Variants in SNAPC4 observed in about 807,000 individuals in gnomAD.
SNAPC4 encodes the protein snRNA-activating protein complex subunit 4.
In SNAPC4, 127 loss-of-function variants were observed where a neutral mutation model predicts 151.3. The observed-to-expected ratio is 0.84, with a 90% CI of 0.73 to 0.97. The LOEUF (loss-of-function observed/expected upper bound fraction) is 0.97, where lower values mean the gene tolerates loss of function less well. Ranked by LOEUF, SNAPC4 falls within the 50% of genes least tolerant of loss-of-function variation. The probability of loss-of-function intolerance (pLI) is 0.00; values close to 1 mark genes in which losing one functional copy is unlikely to be tolerated. For missense variants in SNAPC4, 2,186 were observed against 1,935.0 expected (o/e 1.13, Z -2.43); for synonymous variants, 1,002 against 824.4 (o/e 1.22, Z -3.69).
intron 6 of SNAPC4, 79 bp downstream of exon 6, chr9:136,394,721 G>T: frequency 1.5e-6 from 2 of 1,301,104 alleles, no homozygotes; most frequent in Non-Finnish European, 2.2e-6. Context: ...CTGAGAACTT[G>T]GGGAGAAACT....
chr9:136,398,448 A>C lies in SNAPC4; in HGVS notation c.-9-11T>G, dbSNP rs1234346974. On this transcript the variant is annotated splice_polypyrimidine_tract_variant and intron_variant, in intron 1 of 23. Coordinates refer to ENST00000684778, the MANE Select transcript of SNAPC4 (RefSeq NM_003086.4). ...ATCCATGACTCCCGCCTGCCTCCAAAACACACCCCGAGATGTTAGAAACCA... is the reference window on the plus strand; with the variant it reads ...ATCCATGACTCCCGCCTGCCTCCAACACACACCCCGAGATGTTAGAAACCA... 20 of 1,608,006 alleles carry C rather than the reference A, an allele frequency of 1.2e-5. No homozygotes were observed. The highest frequency in any genetic ancestry group is 1.4e-5 in the Non-Finnish European group (16 of 1,175,416).
chr9:136,380,889 C>T (rs1455825148), intron 19 of SNAPC4, 39 bp from the exon 20 acceptor site: 7 of 1,259,620 alleles, frequency 5.6e-6, no homozygotes, highest in Non-Finnish European at 8.1e-6. Context: ...TAGCTGCTTT[C>T]GGGAGCAGCT....
rs771083387 is a variant in SNAPC4 at position 136,378,143 on chromosome 9, T to TGTCCCTGAGGG, written c.3673_3683dup (p.Gln1229ProfsTer182). 1.2e-6 allele frequency: 2 copies of TGTCCCTGAGGG among 1,609,168 alleles called. No homozygotes were observed. Among genetic ancestry groups the TGTCCCTGAGGG allele is most frequent in the Non-Finnish European group, 1.7e-6 (2 of 1,178,772 alleles). On this transcript the variant is annotated frameshift_variant, in exon 22 of 24. Coordinates refer to ENST00000684778, the MANE Select transcript of SNAPC4 (RefSeq NM_003086.4). LOFTEE classifies it high-confidence loss of function. The stretch of plus-strand genomic sequence containing the variant: ...GGCCCAGAGGCCCCCTGGGCTCCTG[T>TGTCCCTGAGGG]GTCCCTGAGGGGGACCCCGGCGTCC...
rs145394329 is a variant in SNAPC4, at chr9:136,378,284, G to A, written c.3543C>T (p.Ala1181=). 50 of 1,604,608 alleles carry A rather than the reference G, an allele frequency of 3.1e-5. No individual in the cohort carries two copies. In the African/African-American group the frequency reaches 5.5e-4, roughly 18 times the overall value. Residue 1181 remains alanine (A), a synonymous_variant, in exon 22 of 24, where the codon GCC becomes GCT. Transcript: ENST00000684778. ...VAFVPGEAQV[A]REIPEPRTSS... ...ACGTCCTGGGCTCAGGTATCTCCCTGGCCACCTGGGCCTCTCCAGGGACAA... is the reference window on the plus strand; with the variant it reads ...ACGTCCTGGGCTCAGGTATCTCCCTAGCCACCTGGGCCTCTCCAGGGACAA...
rs754838345 is a variant in SNAPC4 at position 136,377,990 on chromosome 9, C to G, written c.3837G>C (p.Glu1279Asp). 6 of 1,602,884 alleles carry G rather than the reference C, an allele frequency of 3.7e-6. No homozygotes were observed. The highest frequency in any genetic ancestry group is 5.1e-6 in the Non-Finnish European group (6 of 1,175,434). The stretch of plus-strand genomic sequence containing the variant: ...CCCCCAGCCACTGCTGTGTGGCCGC[C>G]TCGCCCTCCTGGGACAGCAGGCCCA... ...LDLGLLSQEG[E>D]AATQQWLGGQ... is the part of the protein sequence containing the mutation. The change falls in exon 22 of 24, where the codon GAG becomes GAC. Residue 1279 changes from glutamate (E) to aspartate (D), a missense_variant. Glu to Asp is a conservative substitution (Grantham distance 45). Coordinates refer to ENST00000684778, the MANE Select transcript of SNAPC4 (RefSeq NM_003086.4).
rs374590590 is a variant in SNAPC4 at position 136,398,291 on chromosome 9, G to C, written c.130+8C>G. The C allele has an allele frequency of 1.2e-6, 2 of 1,611,826 alleles. No homozygotes were observed. Among genetic ancestry groups the C allele is most frequent in the Non-Finnish European group, 1.7e-6 (2 of 1,178,494 alleles). On this transcript the variant is annotated splice_region_variant and intron_variant, in intron 2 of 23. Coordinates refer to ENST00000684778, the MANE Select transcript of SNAPC4 (RefSeq NM_003086.4). ...AGGACCCCAGGAGGCTAGGTACAAG[G>C]GGCTTACCTGCTTCAGAATCTGACT...
rs1318502464 is a variant in SNAPC4, at chr9:136,376,220, C to T, written c.*7+129G>A. 4.8e-5 allele frequency: 54 copies of T among 1,116,626 alleles called. No homozygotes were observed. In the South Asian group the frequency reaches 5.2e-4, roughly 11 times the overall value. 69.2% of individuals were successfully genotyped at this position (1,116,626 alleles called of 1,614,324 possible). On this transcript the variant is annotated intron_variant, in intron 23 of 23. Transcript: ENST00000684778. Reference sequence around the variant, plus strand: ...CCTGGAGGGCCTCCATGACCCTGGACCTGCCCACCTAACCCAGCACACCTG... The same window carrying T: ...CCTGGAGGGCCTCCATGACCCTGGATCTGCCCACCTAACCCAGCACACCTG...
Position 136,379,319 on chromosome 9 carries a change from A to G in SNAPC4, c.2528-20T>C. ...GGTGGCCTGTGGGGAGGAAAGACCCACACTTGATAAGCCCCAGGCATCTGG... is the reference window on the plus strand; with the variant it reads ...GGTGGCCTGTGGGGAGGAAAGACCCGCACTTGATAAGCCCCAGGCATCTGG... On this transcript the variant is annotated intron_variant, in intron 21 of 23. Transcript: ENST00000684778. 1.2e-6 allele frequency: 2 copies of G among 1,611,752 alleles called. No homozygotes were observed. The highest frequency in any genetic ancestry group is 1.7e-6 in the Non-Finnish European group (2 of 1,179,658).
chr9:136,399,958 G>C (rs1038552559), intron 1 of SNAPC4, among the ~76,000 whole-genome samples, 176 bp downstream of exon 1: 1 of 152,090 alleles, frequency 6.6e-6, no homozygotes, highest in African/African-American at 2.4e-5. Context: ...ATCCCCGCGC[G>C]CCCAGGCTCG....
Position 136,379,073 on chromosome 9 carries a change from C to T in SNAPC4, c.2754G>A (p.Pro918=), listed in dbSNP as rs575995663. Residue 918 remains proline, a synonymous_variant, in exon 22 of 24, where the codon CCG becomes CCA. Transcript: ENST00000684778. ...REATRGPVVL[P]SQLLVSSSVI... is the part of the protein sequence containing the mutation. ...CAGACGAGGAGACCAGCAGCTGGGA[C>T]GGGAGCACCACCGGGCCCCGGGTGG... is the stretch of plus-strand genomic sequence containing the variant. 3.8e-5 allele frequency: 60 copies of T among 1,578,586 alleles called. No homozygotes were observed. In the East Asian group the frequency reaches 3.9e-4, roughly 10 times the overall value.
At chr9:136,376,521 C>G (rs1437246701) in intron 22 of SNAPC4, 40 bp from the exon 23 acceptor site, 1 of 1,608,994 alleles carries the variant, frequency 6.2e-7, no homozygotes, top group East Asian at 2.2e-5. Flanking sequence ...GAGTGACACC[C>G]CCGAGCCATG....
intron 11 of SNAPC4, among the ~76,000 whole-genome samples, chr9:136,388,092 A>AC (rs1564388612): frequency 6.6e-6 from 1 of 152,112 alleles, no homozygotes; most frequent in African/African-American, 2.4e-5. Flanking sequence ...ACATGGTGAA[A>AC]CCCCGTCTCT....
At chr9:136,394,386 C>T (rs908146654) in intron 6 of SNAPC4, 56 bp from the exon 7 acceptor site, 32 of 1,481,480 alleles carry the variant, frequency 2.2e-5, no homozygotes, top group African/African-American at 5.5e-5. Context: ...CACGGCCCAG[C>T]CCCCACGGTT....
At chr9:136,381,777 C>T (rs751320174) in intron 18 of SNAPC4, 47 bp downstream of exon 18, 7 of 1,578,212 alleles carry the variant, frequency 4.4e-6, no homozygotes, top group Non-Finnish European at 6.0e-6. Flanking sequence ...ACTCTTCATC[C>T]TCACCCCTCG....
chr9:136,380,471 A>G (rs1413731608), intron 20 of SNAPC4, among the ~76,000 whole-genome samples: 2 of 152,202 alleles, frequency 1.3e-5, no homozygotes, highest in Non-Finnish European at 2.9e-5. Flanking sequence ...AGAACCAGGC[A>G]TCCCCGGCAG....
At chr9:136,392,469 T>C (rs374898982) in intron 9 of SNAPC4, 53 bp downstream of exon 9, 9 of 1,564,368 alleles carry the variant, frequency 5.8e-6, no homozygotes, top group Non-Finnish European at 7.9e-6. Context: ...GCACCCGGGC[T>C]ACAGGGAGCT....
rs1407536807 is a variant in SNAPC4 at position 136,392,611 on chromosome 9, G to A, written c.738-17C>T. On this transcript the variant is annotated splice_polypyrimidine_tract_variant and intron_variant, in intron 8 of 23. Transcript: ENST00000684778. ...GGAAGCTGGCTGGTGGAAGGGATGA[G>A]GGTATTGGCACCACGCCTGGCTTGT... The A allele has an allele frequency of 6.2e-7, 1 of 1,613,804 alleles. No homozygotes were observed. The highest frequency in any genetic ancestry group is 8.5e-7 in the Non-Finnish European group (1 of 1,179,978).
intron 13 of SNAPC4, among the ~76,000 whole-genome samples, chr9:136,387,025 G>A (rs117527460): frequency 0.037 from 5,670 of 152,330 alleles, 136 homozygotes; most frequent in East Asian, 0.12. Flanking sequence ...GATTACAGGC[G>A]TGAGCCACTG....
rs1211338748 is a variant in SNAPC4 at position 136,378,856 on chromosome 9, G to A, written c.2971C>T (p.Pro991Ser). The A allele has an allele frequency of 6.2e-7, 1 of 1,609,116 alleles. No homozygotes were observed. Among genetic ancestry groups the A allele is most frequent in the Non-Finnish European group, 8.5e-7 (1 of 1,178,372 alleles). The change falls in exon 22 of 24, where the codon CCT (proline) becomes TCT (serine). Residue 991 changes from proline (P) to serine (S), a missense_variant. Coordinates refer to ENST00000684778, the MANE Select transcript of SNAPC4 (RefSeq NM_003086.4). The stretch of plus-strand genomic sequence containing the variant: ...GTGCCCTCGGCCTCTGAGAAGACAG[G>A]AGCGAGGGGCAGGGCTTGCATGGTG... ...LSTMQALPLAPVFSEAEGTAP... is the reference protein window; with the variant it reads ...LSTMQALPLASVFSEAEGTAP...
Sources: allele counts gnomAD v4.1 joint callset (sites outside exome capture counted in the v4.1 genomes callset), GRCh38; gene constraint gnomAD v4.1.1; transcripts MANE v1.5; gene names NCBI Gene and HGNC (gene_info 2026-07-23, HGNC 2026-07-21).